Variants in NREP observed in about 807,000 individuals in gnomAD.
NREP encodes neuronal regeneration related protein.
NREP carries 5 observed loss-of-function variants against 8.6 expected under a neutral mutation model. The ratio of observed to expected loss-of-function variants is 0.58; its 90% CI spans 0.30 to 1.22. The LOEUF (loss-of-function observed/expected upper bound fraction) is 1.22. NREP is among the 50% of genes most tolerant of loss of function. The probability of loss-of-function intolerance (pLI) is 0.07; values close to 1 mark genes in which losing one functional copy is unlikely to be tolerated. For synonymous variants in NREP, 27 were observed against 28.0 expected (o/e 0.96, Z 0.11); for missense variants, 86 against 82.5 (o/e 1.04, Z -0.17).
At chr5:111,784,982 C>T (rs1001868369) in intron 2 of NREP, among the ~76,000 whole-genome samples, 1 of 152,104 alleles carries the variant, frequency 6.6e-6, no homozygotes, top group Admixed American at 6.6e-5. Context: ...GTTCCCAGGG[C>T]TCCTGTGGTG....
chr5:111,875,317 T>C (rs565078331), intron 2 of NREP, among the ~76,000 whole-genome samples: 1 of 152,112 alleles, frequency 6.6e-6, no homozygotes, highest in East Asian at 1.9e-4. Flanking sequence ...AAAAGATAGA[T>C]AGAAAATGCA....
intron 2 of NREP, among the ~76,000 whole-genome samples, chr5:111,774,691 C>A (rs1220957927): frequency 6.6e-6 from 1 of 152,144 alleles, no homozygotes; most frequent in Non-Finnish European, 1.5e-5. Context: ...GGGCCCTCGG[C>A]CTTGTGACCG....
intron 2 of NREP, among the ~76,000 whole-genome samples, chr5:111,964,558 T>C (rs1756577905): frequency 6.6e-6 from 1 of 151,878 alleles, no homozygotes; most frequent in African/African-American, 2.4e-5. Context: ...TTAGTAGAGG[T>C]GGGGTTTGCC....
At chr5:111,822,924 A>T (rs987581380) in intron 2 of NREP, among the ~76,000 whole-genome samples, 1 of 152,250 alleles carries the variant, frequency 6.6e-6, no homozygotes, top group African/African-American at 2.4e-5. Context: ...TATAAAACTA[A>T]AAGCCATATG....
rs138411321 is a variant in NREP, at chr5:111,741,824, T to TACACACAGACACACAC, written c.4-6318_4-6317insGTGTGTGTCTGTGTGT. On this transcript the variant is annotated intron_variant, in intron 2 of 3. Transcript: ENST00000257435. ...CACTGACCTAATTTAAACACACACA[T>TACACACAGACACACAC]ACACACACACACACACACACACACA... 4.4e-3 allele frequency among the ~76,000 whole-genome samples: 323 copies of TACACACAGACACACAC among 73,488 alleles called. 3 individuals are homozygous for TACACACAGACACACAC. Among genetic ancestry groups the TACACACAGACACACAC allele is most frequent in the Admixed American group, 0.013 (100 of 7,814 alleles). The allele number at this position is 73,488 out of a possible 152,430, so 48.2% of individuals were successfully genotyped here. A position where few individuals can be genotyped will look rare whatever the true frequency, so the allele number is the denominator to read the frequency against.
intron 2 of NREP, among the ~76,000 whole-genome samples, chr5:111,841,179 T>C (rs1193178564): frequency 6.6e-6 from 1 of 152,164 alleles, no homozygotes; most frequent in Non-Finnish European, 1.5e-5. Flanking sequence ...TGGAGCACAA[T>C]TCTGCTCAGA....
At chr5:111,886,393 C>T (rs952501358) in intron 2 of NREP, among the ~76,000 whole-genome samples, 1 of 152,030 alleles carries the variant, frequency 6.6e-6, no homozygotes, top group Non-Finnish European at 1.5e-5. Flanking sequence ...ACTAGTTCAG[C>T]CATTGTGGAA....
At chr5:111,931,225 A>AT (rs1755528442) in intron 2 of NREP, among the ~76,000 whole-genome samples, 1 of 151,964 alleles carries the variant, frequency 6.6e-6, no homozygotes, top group Non-Finnish European at 1.5e-5. Context: ...CTTGAGTATG[A>AT]TTTAGTGGAT....
chr5:111,742,915 C>T (rs1013397318), intron 2 of NREP, among the ~76,000 whole-genome samples: 2 of 152,134 alleles, frequency 1.3e-5, no homozygotes, highest in African/African-American at 4.8e-5. Flanking sequence ...AAGGCACCCT[C>T]CCTTGGACTG....
chr5:111,938,281 A>G (rs1298422177), intron 2 of NREP, among the ~76,000 whole-genome samples: 1 of 152,012 alleles, frequency 6.6e-6, no homozygotes. Flanking sequence ...TTTTCCAGTT[A>G]TCCTATCTAT....
chr5:111,785,003 G>A (rs561680898), intron 2 of NREP, among the ~76,000 whole-genome samples: 3 of 152,102 alleles, frequency 2.0e-5, no homozygotes, highest in Non-Finnish European at 4.4e-5. Context: ...CCATCCTTAG[G>A]CCTGGAGTTA....
At chr5:111,764,014 A>AT (rs1447375092) in intron 2 of NREP, among the ~76,000 whole-genome samples, 1 of 152,232 alleles carries the variant, frequency 6.6e-6, no homozygotes, top group African/African-American at 2.4e-5. Flanking sequence ...AAAAACCTCT[A>AT]TATGTACATA....
intron 2 of NREP, among the ~76,000 whole-genome samples, chr5:111,826,366 G>A (rs1325275655): frequency 6.6e-6 from 1 of 152,174 alleles, no homozygotes; most frequent in Non-Finnish European, 1.5e-5. Context: ...CTTCAGCACT[G>A]TGGAAGTTTT....
At chr5:111,885,779 C>T (rs1754228556) in intron 2 of NREP, among the ~76,000 whole-genome samples, 1 of 152,278 alleles carries the variant, frequency 6.6e-6, no homozygotes, top group African/African-American at 2.4e-5. Flanking sequence ...ATGTAGAAAG[C>T]TGAAACTGGA....
chr5:111,902,795 G>A (rs1428127702), intron 2 of NREP, among the ~76,000 whole-genome samples: 2 of 152,064 alleles, frequency 1.3e-5, no homozygotes, highest in Non-Finnish European at 2.9e-5. Flanking sequence ...GAGCAATCTC[G>A]TGAGAGTTTC....
chr5:111,861,848 CAGAT>C (rs1384427048), intron 2 of NREP, among the ~76,000 whole-genome samples: 1 of 152,062 alleles, frequency 6.6e-6, no homozygotes, highest in Non-Finnish European at 1.5e-5. Flanking sequence ...AAGCACAGCA[CAGAT>C]AGTTATTATA....
intron 2 of NREP, among the ~76,000 whole-genome samples, chr5:111,787,488 T>C (rs1751639092): frequency 6.6e-6 from 1 of 152,140 alleles, no homozygotes; most frequent in Non-Finnish European, 1.5e-5. Context: ...GGATAAGTAC[T>C]GGAGAAAGTT....
At chr5:111,933,104 C>G (rs573994967) in intron 2 of NREP, among the ~76,000 whole-genome samples, 4 of 152,178 alleles carry the variant, frequency 2.6e-5, no homozygotes, top group Non-Finnish European at 4.4e-5. Flanking sequence ...CTCTTAAAAT[C>G]AAACCACGTT....
intron 2 of NREP, among the ~76,000 whole-genome samples, chr5:111,782,636 G>A (rs1751519212): frequency 6.6e-6 from 1 of 151,958 alleles, no homozygotes; most frequent in South Asian, 2.1e-4. Flanking sequence ...ATATTTTGAT[G>A]AGTAAAACAG....
Sources: allele counts gnomAD v4.1 joint callset (sites outside exome capture counted in the v4.1 genomes callset), GRCh38; gene constraint gnomAD v4.1.1; transcripts MANE v1.5; gene names NCBI Gene and HGNC (gene_info 2026-07-23, HGNC 2026-07-21).